Variants in CAGE1 observed in about 807,000 individuals in gnomAD.
The protein encoded by CAGE1 is cancer antigen 1.
CAGE1 carries 66 observed loss-of-function variants against 94.9 expected under a neutral mutation model. That is an observed-to-expected ratio of 0.70 (90% confidence interval 0.57 to 0.85). CAGE1 has a LOEUF of 0.85. Ranked by LOEUF, CAGE1 falls within the 40% of genes least tolerant of loss-of-function variation. CAGE1 has a pLI of 0.00. For synonymous variants in CAGE1, 319 were observed against 321.0 expected (o/e 0.99, Z 0.07); for missense variants, 865 against 950.4 (o/e 0.91, Z 1.18).
At chr6:7,335,016 G>A (rs1229631634) in intron 11 of CAGE1, among the ~76,000 whole-genome samples, 1 of 152,190 alleles carries the variant, frequency 6.6e-6, no homozygotes, top group African/African-American at 2.4e-5. Flanking sequence ...AGAAGCTCGA[G>A]AGGAGAATCC....
intron 7 of CAGE1, 140 bp downstream of exon 7, chr6:7,368,548 G>T: frequency 2.0e-6 from 1 of 500,256 alleles, no homozygotes; most frequent in East Asian, 3.3e-5. Context: ...TCTCTTTAGT[G>T]AGGGGCACAG....
intron 11 of CAGE1, among the ~76,000 whole-genome samples, chr6:7,352,290 C>CAAAAAAAAAAAACAAA (rs1759798360): frequency 1.1e-4 from 5 of 43,598 alleles, no homozygotes; most frequent in African/African-American, 2.4e-4. Flanking sequence ...ACAATAGCTG[C>CAAAAAAAAAAAACAAA]AAAAAAAAAA....
rs1325892764 is a variant in CAGE1 at position 7,373,371 on chromosome 6, T to C, written c.1448A>G (p.Glu483Gly). The change falls in exon 5 of 14, where the codon GAG (glutamate) becomes GGG (glycine). Residue 483 changes from glutamate to glycine, a missense_variant. Transcript: ENST00000502583. Reference protein sequence around the residue: ...LKREKEAQEQEFLSLQEEFQK... With the variant: ...LKREKEAQEQGFLSLQEEFQK... ...GAATTCCTCCTGTAAAGACAAGAAC[T>C]CTTGTTCTTGGGCCTCTTTTTCCCG... The C allele has an allele frequency of 6.2e-7, 1 of 1,613,698 alleles. No individual in the cohort carries two copies. The highest frequency in any genetic ancestry group is 1.7e-5 in the Admixed American group (1 of 59,960).
intron 9 of CAGE1, among the ~76,000 whole-genome samples, chr6:7,358,658 T>C (rs923162357): frequency 1.3e-5 from 2 of 152,060 alleles, no homozygotes; most frequent in African/African-American, 4.8e-5. Flanking sequence ...TTAGGCAACA[T>C]AGCAAGACTC....
intron 13 of CAGE1, among the ~76,000 whole-genome samples, chr6:7,328,902 G>A (rs1462482559): frequency 1.1e-4 from 10 of 92,858 alleles, no homozygotes; most frequent in African/African-American, 1.3e-4. Context: ...GTGTGTGTGT[G>A]TGTGTGTGTG....
In CAGE1 at chr6:7,339,298, C is replaced by T. The variant is rs1759081134; in HGVS notation, c.2370-5208G>A. On this transcript the variant is annotated intron_variant, in intron 11 of 13. Transcript: ENST00000502583. The surrounding 1 kb of genome is among the most constrained non-coding windows in gnomAD (Gnocchi z 4.7). ...ATGGCACACAGACCCCTAGTGGCCA[C>T]CTCTTCAGCATAAAGCTCTACACTG... 2 of 1,580,460 alleles carry T rather than the reference C, an allele frequency of 1.3e-6. No homozygotes were observed. Among genetic ancestry groups the T allele is most frequent in the African/African-American group, 2.7e-5 (2 of 74,186 alleles).
chr6:7,334,683 G>A lies in CAGE1; in HGVS notation c.2370-593C>T, dbSNP rs1398178052. Among the ~76,000 whole-genome samples the A allele has an allele frequency of 6.5e-5, 9 of 137,620 alleles. 1 individual carries two copies. The East Asian group carries it at 1.3e-3, about 19-fold the overall frequency. 90.3% of individuals were successfully genotyped at this position (137,620 alleles called of 152,430 possible). A position where few individuals can be genotyped will look rare whatever the true frequency, so the allele number is the denominator to read the frequency against. ...GTGGAGGTTGCAGTGAGCCAAGACC[G>A]TGCCACTGCACTTCAGCCTGGGACA... is the stretch of plus-strand genomic sequence containing the variant. On this transcript the variant is annotated intron_variant, in intron 11 of 13. Coordinates refer to ENST00000502583, the MANE Select transcript of CAGE1 (RefSeq NM_001170692.2).
chr6:7,374,245 G>T, intron 4 of CAGE1, 114 bp from the exon 5 acceptor site: 2 of 782,062 alleles, frequency 2.6e-6, no homozygotes, highest in South Asian at 3.5e-5. Context: ...GGCTTTCTCC[G>T]CTATAAAGTA....
At chr6:7,330,124 A>C (rs1275094576) in intron 12 of CAGE1, among the ~76,000 whole-genome samples, 2 of 152,220 alleles carry the variant, frequency 1.3e-5, no homozygotes, top group Non-Finnish European at 2.9e-5. Flanking sequence ...GCGGTGGCTC[A>C]CACCTGTAAT....
At chr6:7,335,942 C>T (rs892425153) in intron 11 of CAGE1, among the ~76,000 whole-genome samples, 1 of 151,986 alleles carries the variant, frequency 6.6e-6, no homozygotes. Flanking sequence ...CTTTTCAATT[C>T]TGGCAATTAA....
intron 9 of CAGE1, among the ~76,000 whole-genome samples, chr6:7,361,765 G>A (rs1760174378): frequency 6.6e-6 from 1 of 152,196 alleles, no homozygotes; most frequent in Non-Finnish European, 1.5e-5. Flanking sequence ...AAGGACTACT[G>A]TAAAATGCCA....
rs1168331717 is a variant in CAGE1, at chr6:7,339,451, G to A, written c.2370-5361C>T. The A allele has an allele frequency of 8.5e-6, 10 of 1,181,274 alleles. No homozygotes were observed. The highest frequency in any genetic ancestry group is 5.3e-4 in the Middle Eastern group (2 of 3,786). 73.2% of individuals were successfully genotyped at this position (1,181,274 alleles called of 1,614,324 possible). A position where few individuals can be genotyped will look rare whatever the true frequency, so the allele number is the denominator to read the frequency against. On this transcript the variant is annotated intron_variant, in intron 11 of 13. Transcript: ENST00000502583. This position sits in a 1 kb window ranked among gnomAD's most constrained non-coding sequence, Gnocchi z 4.7. ...ATTTCTGTCCTGGTTGGTGTAACTC[G>A]CATCTCAACTCCAGAGTAGCCATCT...
intron 5 of CAGE1, 141 bp downstream of exon 5, chr6:7,372,932 C>T: frequency 1.5e-6 from 1 of 654,332 alleles, no homozygotes; most frequent in Non-Finnish European, 2.5e-6. Flanking sequence ...CCTGCCTCAG[C>T]CTCCCAAAGT....
chr6:7,363,185 G>A (rs1202233860), intron 9 of CAGE1, among the ~76,000 whole-genome samples: 7 of 152,258 alleles, frequency 4.6e-5, no homozygotes, highest in African/African-American at 1.7e-4. Flanking sequence ...CAGGAGAATC[G>A]CTTGAACCCT....
At chr6:7,357,420 T>G (rs1759994647) in intron 9 of CAGE1, among the ~76,000 whole-genome samples, 1 of 152,202 alleles carries the variant, frequency 6.6e-6, no homozygotes, top group Non-Finnish European at 1.5e-5. Context: ...GACACTTGAC[T>G]GAAGCAATGT....
chr6:7,370,500 T>C (rs2113446311), intron 5 of CAGE1, among the ~76,000 whole-genome samples: 1 of 152,266 alleles, frequency 6.6e-6, no homozygotes, highest in East Asian at 1.9e-4. Flanking sequence ...TCTCACCATG[T>C]TGCCCAGGCT....
At chr6:7,346,588 T>C (rs1346660858) in intron 11 of CAGE1, among the ~76,000 whole-genome samples, 4 of 151,314 alleles carry the variant, frequency 2.6e-5, no homozygotes, top group African/African-American at 9.7e-5. Context: ...GGTTCACACC[T>C]GTAATCCCAG....
chr6:7,330,539 G>A (rs1371129121), intron 12 of CAGE1, among the ~76,000 whole-genome samples: 1 of 152,192 alleles, frequency 6.6e-6, no homozygotes, highest in Non-Finnish European at 1.5e-5. Flanking sequence ...TAAAACATCT[G>A]AGGCTATTCA....
At chr6:7,333,176 C>T (rs564500442) in intron 12 of CAGE1, among the ~76,000 whole-genome samples, 11 of 152,178 alleles carry the variant, frequency 7.2e-5, no homozygotes, top group Non-Finnish European at 1.0e-4. Flanking sequence ...GTCTTGAACT[C>T]TTGACCTCAA....
Sources: gnomAD v4.1 joint callset for allele counts (sites outside exome capture counted in the v4.1 genomes callset) on GRCh38, gnomAD v4.1.1 for gene constraint, Gnocchi (gnomAD v3.1) non-coding constraint, MANE v1.5 for transcripts, NCBI Gene and HGNC (gene_info 2026-07-23, HGNC 2026-07-21) for gene names.